The following GRM7 variants were observed in gnomAD, a reference collection of about 807,000 sequenced individuals.
GRM7 encodes glutamate metabotropic receptor 7.
Under a neutral mutation model 84.5 loss-of-function variants are expected in GRM7, and 35 were observed. That is an observed-to-expected ratio of 0.41 (90% CI 0.32 to 0.55). The LOEUF (loss-of-function observed/expected upper bound fraction) is 0.55, where lower values mean the gene tolerates loss of function less well. Among genes scored for constraint, GRM7 ranks in the 20% least tolerant of loss-of-function variants. GRM7 has a pLI of 0.19. For missense variants in GRM7, 1,003 were observed against 1,194.6 expected, an observed-to-expected ratio of 0.84 and a Z score of 2.36; for synonymous variants, 487 against 455.1, an observed-to-expected ratio of 1.07 and a Z score of -0.89.
intron 7 of GRM7, among the ~76,000 whole-genome samples, chr3:7,485,364 C>T (rs562355863): frequency 6.6e-6 from 1 of 152,160 alleles, no homozygotes; most frequent in Non-Finnish European, 1.5e-5. Context: ...AGTTTCTCAA[C>T]TCACCTACTG....
At chr3:7,170,630 G>A (rs1343552342) in intron 2 of GRM7, among the ~76,000 whole-genome samples, 1 of 152,162 alleles carries the variant, frequency 6.6e-6, no homozygotes, top group African/African-American at 2.4e-5. Flanking sequence ...GATACTAAAA[G>A]GCTTAACATA....
rs73115525 is a variant in GRM7, at chr3:7,377,424, A to C, written c.1034-37599A>C. 9.6e-3 allele frequency among the ~76,000 whole-genome samples: 1,456 copies of C among 152,308 alleles called. 19 individuals are homozygous for C. The highest frequency in any genetic ancestry group is 0.033 in the African/African-American group (1,376 of 41,554). On this transcript the variant is annotated intron_variant, in intron 4 of 9. Coordinates refer to ENST00000357716, the MANE Select transcript of GRM7 (RefSeq NM_000844.4). ...TAAAATGTTAGAATTAAGTGAGAGCATTGTTCTTCTAAACTGCTTAAGACA... is the reference window on the plus strand; with the variant it reads ...TAAAATGTTAGAATTAAGTGAGAGCCTTGTTCTTCTAAACTGCTTAAGACA...
intron 4 of GRM7, among the ~76,000 whole-genome samples, chr3:7,366,905 T>C (rs1023495521): frequency 3.4e-5 from 1 of 29,152 alleles, no homozygotes; most frequent in Non-Finnish European, 6.3e-5. Context: ...AGATAAATTA[T>C]AATTCTTGGT....
At position 6,863,278 on chromosome 3, in the gene GRM7, A is replaced by G; in HGVS notation, c.519+1371A>G. Among the ~76,000 whole-genome samples the G allele has an allele frequency of 6.6e-6, 1 of 151,922 alleles. No homozygotes were observed. Among genetic ancestry groups the G allele is most frequent in the East Asian group, 1.9e-4 (1 of 5,146 alleles). ...TCCCTGGCTGGTGGTACCCAAACCT[A>G]GTTAATCTCTTCCGCAGATGTACAC... On this transcript the variant is annotated intron_variant, in intron 1 of 9. Coordinates refer to ENST00000357716, the MANE Select transcript of GRM7 (RefSeq NM_000844.4). This position sits in a 1 kb window ranked among gnomAD's most constrained non-coding sequence, Gnocchi z 4.8.
At chr3:7,075,247 A>G (rs528831520) in intron 1 of GRM7, among the ~76,000 whole-genome samples, 1 of 152,298 alleles carries the variant, frequency 6.6e-6, no homozygotes, top group African/African-American at 2.4e-5. Flanking sequence ...CTGTCAAAGT[A>G]AAGACCTTGG....
At chr3:7,480,054 C>G (rs779694) in intron 7 of GRM7, among the ~76,000 whole-genome samples, 42,803 of 152,038 alleles carry the variant, frequency 0.28, 6,342 homozygotes, top group East Asian at 0.4. Flanking sequence ...TAGTCAAGAA[C>G]AGTTAGTGAA....
At chr3:7,655,711 C>G (rs1208932390) in intron 8 of GRM7, among the ~76,000 whole-genome samples, 1 of 152,168 alleles carries the variant, frequency 6.6e-6, no homozygotes, top group Non-Finnish European at 1.5e-5. Flanking sequence ...CTCCTAGACG[C>G]TGAGGGTTTC....
intron 7 of GRM7, among the ~76,000 whole-genome samples, chr3:7,484,366 A>G (rs1393545567): frequency 1.3e-5 from 2 of 152,186 alleles, no homozygotes; most frequent in African/African-American, 4.8e-5. Flanking sequence ...CCAAGGTTCC[A>G]CTGTGGCTAT....
intron 1 of GRM7, among the ~76,000 whole-genome samples, chr3:7,014,016 G>C (rs547057250): frequency 6.6e-6 from 1 of 152,026 alleles, no homozygotes; most frequent in Non-Finnish European, 1.5e-5. Context: ...AGATATAAAG[G>C]CTTAATTAAT....
At chr3:7,345,361 A>G (rs1022007146) in intron 4 of GRM7, among the ~76,000 whole-genome samples, 1 of 149,966 alleles carries the variant, frequency 6.7e-6, no homozygotes, top group Non-Finnish European at 1.5e-5. Context: ...TGCAACCTCC[A>G]CTTCCTGGGT....
At chr3:7,176,866 G>A (rs935412495) in intron 2 of GRM7, among the ~76,000 whole-genome samples, 3 of 152,164 alleles carry the variant, frequency 2.0e-5, no homozygotes, top group Non-Finnish European at 4.4e-5. Context: ...TCAGGAATCA[G>A]CTTTATTCAT....
chr3:7,597,530 C>G (rs755239086), intron 8 of GRM7, among the ~76,000 whole-genome samples: 1 of 152,126 alleles, frequency 6.6e-6, no homozygotes, highest in Non-Finnish European at 1.5e-5. Flanking sequence ...GCAGACTGTT[C>G]CATGATCTTC....
chr3:7,315,202 A>G (rs1009061949), intron 4 of GRM7, among the ~76,000 whole-genome samples: 1 of 152,134 alleles, frequency 6.6e-6, no homozygotes, highest in African/African-American at 2.4e-5. Flanking sequence ...GGCCCCTCAT[A>G]ACTGTGCCTT....
intron 1 of GRM7, among the ~76,000 whole-genome samples, chr3:7,103,872 C>CTTTCTTT (rs1559443802): frequency 2.1e-5 from 3 of 144,068 alleles, no homozygotes; most frequent in African/African-American, 7.8e-5. Context: ...TTCTTTCTTT[C>CTTTCTTT]CCATTTCTGA....
chr3:6,861,355 G>C lies in GRM7; in HGVS notation c.-34G>C. ...GGCGAGCCCACCACCGTTCCCTCCA[G>C]CGCCGCCGCCGCCACCGCAGCAGCC... On this transcript the variant is annotated 5_prime_UTR_variant, in exon 1 of 10. Coordinates refer to ENST00000357716, the MANE Select transcript of GRM7 (RefSeq NM_000844.4). The surrounding 1 kb of genome is among the most constrained non-coding windows in gnomAD (Gnocchi z 6.4). 6.8e-7 allele frequency: 1 copy of C among 1,476,066 alleles called. No individual in the cohort carries two copies. The highest frequency in any genetic ancestry group is 2.5e-5 in the East Asian group (1 of 40,024). The allele number at this position is 1,476,066 out of a possible 1,614,324, so 91.4% of individuals were successfully genotyped here.
At chr3:7,464,272 T>G (rs1698371499) in intron 7 of GRM7, among the ~76,000 whole-genome samples, 1 of 152,068 alleles carries the variant, frequency 6.6e-6, no homozygotes, top group Non-Finnish European at 1.5e-5. Context: ...AGGCACTGTG[T>G]GGATGATGGC....
chr3:7,082,406 T>TA lies in GRM7; in HGVS notation c.520-64037dup, dbSNP rs201131304. ...TCCACTATTGAGAGCTACTACTCGG[T>TA]AAAAAAAAAGATTACTTTCAAGACA... On this transcript the variant is annotated intron_variant, in intron 1 of 9. Transcript: ENST00000357716. Among the ~76,000 whole-genome samples the TA allele has an allele frequency of 5.7e-3, 869 of 151,168 alleles. 10 individuals carry two copies. Among genetic ancestry groups the TA allele is most frequent in the African/African-American group, 0.02 (809 of 41,232 alleles).
At chr3:7,220,241 G>C (rs2124872413) in intron 2 of GRM7, among the ~76,000 whole-genome samples, 1 of 152,330 alleles carries the variant, frequency 6.6e-6, no homozygotes, top group East Asian at 1.9e-4. Context: ...AAAGGTGGAT[G>C]AAGTAACTTT....
At chr3:7,588,856 C>T (rs1005896873) in intron 8 of GRM7, among the ~76,000 whole-genome samples, 1 of 152,272 alleles carries the variant, frequency 6.6e-6, no homozygotes, top group Non-Finnish European at 1.5e-5. Context: ...TGTGATCTCA[C>T]GTTAGTGATT....
Sources: allele counts gnomAD v4.1 joint callset (sites outside exome capture counted in the v4.1 genomes callset), GRCh38; gene constraint gnomAD v4.1.1; non-coding constraint Gnocchi (gnomAD v3.1); transcripts MANE v1.5; gene names NCBI Gene and HGNC (gene_info 2026-07-23, HGNC 2026-07-21).